The following SLC12A8 variants were observed in gnomAD, a reference collection of about 807,000 sequenced individuals.
The protein encoded by SLC12A8 is cation-chloride cotransporter 9.
A neutral mutation model predicts 75.6 loss-of-function variants in SLC12A8; 69 were observed. The observed-to-expected ratio is 0.91, with a 90% CI of 0.75 to 1.11. The LOEUF (loss-of-function observed/expected upper bound fraction) is 1.11. Ranked by LOEUF, SLC12A8 falls within the 50% of genes most tolerant of loss-of-function variation. The probability of loss-of-function intolerance (pLI) is 0.00; values close to 1 mark genes in which losing one functional copy is unlikely to be tolerated. For missense variants in SLC12A8, 877 were observed against 896.7 expected, an observed-to-expected ratio of 0.98 and a Z score of 0.28; for synonymous variants, 365 against 372.8, an observed-to-expected ratio of 0.98 and a Z score of 0.24.
At chr3:125,155,866 C>T (rs544631500) in intron 5 of SLC12A8, among the ~76,000 whole-genome samples, 292 of 144,806 alleles carry the variant, frequency 2.0e-3, no homozygotes, top group Non-Finnish European at 3.2e-3. Context: ...AAAAAAAACC[C>T]AACTTCGTAA....
At chr3:125,113,964 C>T (rs143964127) in intron 8 of SLC12A8, among the ~76,000 whole-genome samples, 3,015 of 152,238 alleles carry the variant, frequency 0.02, 42 homozygotes, top group Non-Finnish European at 0.029. Context: ...CATCTAATTG[C>T]GGTGACCCCT....
intron 9 of SLC12A8, 43 bp downstream of exon 9, chr3:125,110,146 A>G (rs1939150210): frequency 6.3e-7 from 1 of 1,591,724 alleles, no homozygotes; most frequent in Non-Finnish European, 8.6e-7. Context: ...GTTAGCAGCA[A>G]AACATGTTTC....
intron 4 of SLC12A8, among the ~76,000 whole-genome samples, chr3:125,186,279 T>G (rs1259552377): frequency 1.3e-5 from 2 of 152,136 alleles, no homozygotes; most frequent in Non-Finnish European, 2.9e-5. Context: ...TTTTTAAGAG[T>G]GCAGAGGCCA....
In SLC12A8 at chr3:125,110,265, A is replaced by G. The variant is rs757911434; in HGVS notation, c.983T>C (p.Leu328Pro). The G allele has an allele frequency of 8.0e-5, 129 of 1,614,072 alleles. No homozygotes were observed. Among genetic ancestry groups the G allele is most frequent in the Middle Eastern group, 6.6e-4 (4 of 6,058 alleles). The part of the protein sequence containing the change: ...ISSLASCMGG[L>P]YGAPRILQCI... ...CTGCAGGATGCGGGGAGCTCCATAA[A>G]GTCCTCCCATGCAGGAAGCCAGGGA... Residue 328 changes from leucine to proline, a missense_variant, in exon 9 of 14, where the codon CTT (leucine) becomes CCT (proline). Coordinates refer to ENST00000469902, the MANE Select transcript of SLC12A8 (RefSeq NM_024628.6).
At chr3:125,143,083 T>C (rs1441808820) in intron 5 of SLC12A8, among the ~76,000 whole-genome samples, 1 of 152,256 alleles carries the variant, frequency 6.6e-6, no homozygotes, top group Non-Finnish European at 1.5e-5. Flanking sequence ...TGGCCTGTTT[T>C]AACAACTGAG....
At chr3:125,103,665 A>G (rs376427817) in intron 10 of SLC12A8, among the ~76,000 whole-genome samples, 27 of 151,938 alleles carry the variant, frequency 1.8e-4, no homozygotes, top group African/African-American at 6.3e-4. Flanking sequence ...CAGGGTCTCA[A>G]TATGTTACCT....
At chr3:125,142,378 G>T (rs968580553) in intron 5 of SLC12A8, among the ~76,000 whole-genome samples, 2 of 152,228 alleles carry the variant, frequency 1.3e-5, no homozygotes, top group Non-Finnish European at 1.5e-5. Context: ...TCTTCTGGGA[G>T]CTGCAAAGGG....
At chr3:125,094,945 C>CT (rs1387478855) in intron 10 of SLC12A8, among the ~76,000 whole-genome samples, 1 of 152,234 alleles carries the variant, frequency 6.6e-6, no homozygotes, top group Non-Finnish European at 1.5e-5. Context: ...AAATTATCCT[C>CT]TAAGATGCCT....
At chr3:125,117,333 T>C (rs1270448673) in intron 8 of SLC12A8, among the ~76,000 whole-genome samples, 1 of 150,784 alleles carries the variant, frequency 6.6e-6, no homozygotes, top group African/African-American at 2.4e-5. Flanking sequence ...ATGCCTGTAA[T>C]CCCAGCACTT....
chr3:125,091,416 G>A (rs746498000), intron 12 of SLC12A8, 23 bp downstream of exon 12: 11 of 1,531,116 alleles, frequency 7.2e-6, no homozygotes, highest in Non-Finnish European at 1.0e-5. Context: ...GGGAACCAGT[G>A]GCAAAATGGC....
chr3:125,146,105 T>C (rs955645889), intron 5 of SLC12A8, among the ~76,000 whole-genome samples: 3 of 152,254 alleles, frequency 2.0e-5, no homozygotes, highest in Non-Finnish European at 4.4e-5. Context: ...GCTGAGATTA[T>C]AGGCATGAGC....
intron 5 of SLC12A8, among the ~76,000 whole-genome samples, chr3:125,173,312 CAG>C (rs1053759207): frequency 1.3e-5 from 2 of 152,146 alleles, no homozygotes; most frequent in African/African-American, 4.8e-5. Context: ...AATAGACAAA[CAG>C]AGCAATGGAA....
chr3:125,205,592 G>A (rs373806717), intron 2 of SLC12A8, among the ~76,000 whole-genome samples: 5 of 152,158 alleles, frequency 3.3e-5, no homozygotes, highest in East Asian at 3.8e-4. Context: ...AAATGCTTCC[G>A]CCGCATCTCA....
At position 125,108,175 on chromosome 3, in the gene SLC12A8, G is replaced by A. The variant is rs144401441; in HGVS notation, c.1060-49C>T. The stretch of plus-strand genomic sequence containing the variant: ...AGGACCATAAAATTTCAGATAGAAC[G>A]CTTCAGAGATTTCAGAAGTTACAGG... On this transcript the variant is annotated intron_variant, in intron 9 of 13. Coordinates refer to ENST00000469902, the MANE Select transcript of SLC12A8 (RefSeq NM_024628.6). 1.7e-4 allele frequency: 267 copies of A among 1,537,226 alleles called. 3 individuals are homozygous for A. The East Asian group carries it at 5.4e-3, about 31-fold the overall frequency.
At chr3:125,102,574 G>A (rs915137144) in intron 10 of SLC12A8, among the ~76,000 whole-genome samples, 1 of 152,178 alleles carries the variant, frequency 6.6e-6, no homozygotes, top group Non-Finnish European at 1.5e-5. Flanking sequence ...CAAGAGTCCA[G>A]GTACAAGATG....
intron 12 of SLC12A8, 66 bp downstream of exon 12, chr3:125,091,373 C>CT (rs892183348): frequency 5.5e-5 from 58 of 1,060,182 alleles, no homozygotes; most frequent in East Asian, 9.5e-5. Flanking sequence ...TATTCAAAAT[C>CT]TTTTTTTTCC....
intron 6 of SLC12A8, among the ~76,000 whole-genome samples, chr3:125,133,372 C>T (rs572392773): frequency 1.7e-4 from 12 of 69,590 alleles, no homozygotes; most frequent in Non-Finnish European, 7.7e-5. Context: ...CGCACACACA[C>T]ACACACAATT....
intron 5 of SLC12A8, among the ~76,000 whole-genome samples, chr3:125,163,928 C>A (rs1430473836): frequency 6.6e-6 from 1 of 152,198 alleles, no homozygotes; most frequent in Non-Finnish European, 1.5e-5. Flanking sequence ...TGGCCGGACA[C>A]CATTCCCTGC....
chr3:125,168,370 G>T (rs369434557), intron 5 of SLC12A8, among the ~76,000 whole-genome samples: 1 of 152,140 alleles, frequency 6.6e-6, no homozygotes, highest in African/African-American at 2.4e-5. Context: ...GAGGGCTTTC[G>T]CTTTGTCTGC....
Sources: gnomAD v4.1 joint callset for allele counts (sites outside exome capture counted in the v4.1 genomes callset) on GRCh38, gnomAD v4.1.1 for gene constraint, MANE v1.5 for transcripts, NCBI Gene and HGNC (gene_info 2026-07-23, HGNC 2026-07-21) for gene names.